Variants in DENND10 observed in about 807,000 individuals in gnomAD.
The protein encoded by DENND10 is DENN domain containing 10.
DENND10 carries 24 observed loss-of-function variants against 43.6 expected under a neutral mutation model. That is an observed-to-expected ratio of 0.55 (90% CI 0.40 to 0.77). DENND10 has a LOEUF of 0.77. DENND10 is among the 30% of genes least tolerant of loss of function. The pLI, the probability that DENND10 is intolerant of heterozygous loss-of-function variation, is 0.00. For synonymous variants in DENND10, 125 were observed against 157.6 expected (o/e 0.79, Z 1.55); for missense variants, 303 against 429.9 (o/e 0.70, Z 2.61).
intron 8 of DENND10, chr10:119,134,030 A>G (rs1846197747): frequency 6.6e-6 from 1 of 152,156 alleles, no homozygotes. Context: ...GCAAACAAGG[A>G]AGAAGACGTG....
At chr10:119,131,653 C>T (rs1239522783) in intron 7 of DENND10, among the ~76,000 whole-genome samples, 1 of 152,088 alleles carries the variant, frequency 6.6e-6, no homozygotes, top group Admixed American at 6.6e-5. Context: ...TTGTTAGATT[C>T]GATTATGTGA....
At chr10:119,128,824 C>A (rs559353171) in intron 6 of DENND10, among the ~76,000 whole-genome samples, 1 of 152,072 alleles carries the variant, frequency 6.6e-6, no homozygotes, top group East Asian at 1.9e-4. Context: ...TTTTAAACAA[C>A]CAGATTTTGT....
chr10:119,132,490 AT>A lies in DENND10; in HGVS notation c.803-24del, dbSNP rs753845328. On this transcript the variant is annotated intron_variant, in intron 7 of 8. Coordinates refer to ENST00000361432, the MANE Select transcript of DENND10 (RefSeq NM_207009.4). This position sits in a 1 kb window ranked among gnomAD's most constrained non-coding sequence, Gnocchi z 4.2. Reference sequence around the variant, plus strand: ...GATTATTTTTTATGTCGATTTCTAAATATTCACCTTCTTGATCTCACCAGAG... The same window carrying A: ...GATTATTTTTTATGTCGATTTCTAAAATTCACCTTCTTGATCTCACCAGAG... The A allele has an allele frequency of 6.4e-7, 1 of 1,572,720 alleles. No individual in the cohort carries two copies. The highest frequency in any genetic ancestry group is 1.3e-5 in the African/African-American group (1 of 74,202).
At chr10:119,121,284 A>C (rs1289328322) in intron 5 of DENND10, among the ~76,000 whole-genome samples, 1 of 126,914 alleles carries the variant, frequency 7.9e-6, no homozygotes, top group African/African-American at 3.1e-5. Flanking sequence ...GGTCCTTTTA[A>C]ATTTTTTTCA....
chr10:119,109,722 G>A (rs551319524), intron 2 of DENND10, among the ~76,000 whole-genome samples: 8 of 151,356 alleles, frequency 5.3e-5, no homozygotes, highest in East Asian at 1.9e-4. Context: ...AGATTCAAGC[G>A]ATTCTCCTGC....
intron 5 of DENND10, among the ~76,000 whole-genome samples, chr10:119,122,265 G>A (rs913647327): frequency 9.9e-5 from 15 of 152,186 alleles, no homozygotes; most frequent in African/African-American, 2.7e-4. Flanking sequence ...CCATGATCAC[G>A]TCACTGCACC....
chr10:119,125,310 C>T (rs1845773209), intron 6 of DENND10, among the ~76,000 whole-genome samples: 1 of 148,016 alleles, frequency 6.8e-6, no homozygotes, highest in African/African-American at 2.5e-5. Flanking sequence ...TTATCAGTGA[C>T]TTTTTTTTTT....
chr10:119,120,057 G>A (rs1031569719), intron 4 of DENND10, among the ~76,000 whole-genome samples: 1 of 151,886 alleles, frequency 6.6e-6, no homozygotes, highest in African/African-American at 2.4e-5. Flanking sequence ...AGATTAGCCT[G>A]GCCAACATGG....
chr10:119,111,117 C>T (rs1234465822), intron 2 of DENND10, among the ~76,000 whole-genome samples: 1 of 151,526 alleles, frequency 6.6e-6, no homozygotes, highest in African/African-American at 2.4e-5. Flanking sequence ...AAAAAATTAG[C>T]TGGGCATGGT....
intron 6 of DENND10, among the ~76,000 whole-genome samples, chr10:119,126,414 C>A (rs1845835447): frequency 6.6e-6 from 1 of 152,118 alleles, no homozygotes; most frequent in African/African-American, 2.4e-5. Context: ...ATTTACATTC[C>A]TACCAACAGT....
rs1157597854 is a variant in DENND10, at chr10:119,132,668, G to T, written c.897+59G>T. ...CTGACCCGGTGTCGCTGGGTGGTGT[G>T]CGGCAGAGCTGTGCACATAAGCAGA... On this transcript the variant is annotated intron_variant, in intron 8 of 8. Transcript: ENST00000361432. This position sits in a 1 kb window ranked among gnomAD's most constrained non-coding sequence, Gnocchi z 4.2. The T allele has an allele frequency of 7.2e-6, 10 of 1,381,896 alleles. No homozygotes were observed. The highest frequency in any genetic ancestry group is 9.3e-6 in the Non-Finnish European group (9 of 968,170). The allele number at this position is 1,381,896 out of a possible 1,614,324, so 85.6% of individuals were successfully genotyped here.
intron 1 of DENND10, among the ~76,000 whole-genome samples, chr10:119,107,281 C>T (rs1046451156): frequency 2.1e-5 from 3 of 143,428 alleles, no homozygotes; most frequent in Admixed American, 7.4e-5. Flanking sequence ...GCCTGGGTGA[C>T]GGTGAGACTC....
At chr10:119,119,828 C>T (rs1225214069) in intron 4 of DENND10, among the ~76,000 whole-genome samples, 1 of 151,886 alleles carries the variant, frequency 6.6e-6, no homozygotes, top group Non-Finnish European at 1.5e-5. Flanking sequence ...CTCTATGCAT[C>T]CCATCATAGA....
chr10:119,107,187 G>T (rs1844734269), intron 1 of DENND10, among the ~76,000 whole-genome samples: 2 of 151,852 alleles, frequency 1.3e-5, no homozygotes, highest in South Asian at 4.2e-4. Context: ...CATGGTGGTG[G>T]GCACCTGTAA....
Position 119,123,576 on chromosome 10 carries a change from A to C in DENND10, c.694+7A>C. The stretch of plus-strand genomic sequence containing the variant: ...GCCCTGCAGATGTGCACAGGTAGAC[A>C]AGAGGATCCCAGGGGAGGAACTGTT... On this transcript the variant is annotated splice_region_variant and intron_variant, in intron 6 of 8. Coordinates refer to ENST00000361432, the MANE Select transcript of DENND10 (RefSeq NM_207009.4). The C allele has an allele frequency of 6.3e-7, 1 of 1,597,074 alleles. No homozygotes were observed. Among genetic ancestry groups the C allele is most frequent in the Non-Finnish European group, 8.6e-7 (1 of 1,165,818 alleles).
At position 119,120,421 on chromosome 10, in the gene DENND10, C is replaced by T. The variant is rs1256482240; in HGVS notation, c.562C>T (p.Pro188Ser). 1 of 1,611,682 alleles carries T rather than the reference C, an allele frequency of 6.2e-7. No individual in the cohort carries two copies. Among genetic ancestry groups the T allele is most frequent in the East Asian group, 2.2e-5 (1 of 44,860 alleles). ...MLKKRIVVYH[P>S]KIEAVQEFTR... ...AAAGAAAAGAATTGTGGTGTATCAC[C>T]CCAAGATAGAAGCGGTCCAGGAGTT... is the stretch of plus-strand genomic sequence containing the variant. Residue 188 changes from proline to serine, a missense_variant, in exon 5 of 9, where the codon CCC becomes TCC. By Grantham distance (74) the Pro-to-Ser change is moderately conservative. Coordinates refer to ENST00000361432, the MANE Select transcript of DENND10 (RefSeq NM_207009.4).
intron 6 of DENND10, among the ~76,000 whole-genome samples, chr10:119,128,675 G>A (rs575936629): frequency 5.3e-5 from 8 of 152,060 alleles, no homozygotes; most frequent in African/African-American, 1.2e-4. Flanking sequence ...TCACAGTTCT[G>A]CAGGCTGTAC....
intron 2 of DENND10, among the ~76,000 whole-genome samples, chr10:119,110,516 G>A (rs1844925516): frequency 1.3e-5 from 2 of 151,988 alleles, no homozygotes; most frequent in Non-Finnish European, 2.9e-5. Context: ...GGAGTGCAGG[G>A]ACAAAATCTC....
At position 119,132,405 on chromosome 10, in the gene DENND10, A is replaced by C; in HGVS notation, c.803-110A>C. ...TGATAAAATGGACATGTGGGAGGTT[A>C]TCAGCTGCTTTTTGAAAATTCCCTC... is the stretch of plus-strand genomic sequence containing the variant. On this transcript the variant is annotated intron_variant, in intron 7 of 8. Transcript: ENST00000361432. This position sits in a 1 kb window ranked among gnomAD's most constrained non-coding sequence, Gnocchi z 4.2. The C allele has an allele frequency of 5.0e-6, 4 of 798,924 alleles. No individual in the cohort carries two copies. Among genetic ancestry groups the C allele is most frequent in the Non-Finnish European group, 8.9e-6 (4 of 451,744 alleles). The allele number at this position is 798,924 out of a possible 1,614,324, so 49.5% of individuals were successfully genotyped here.
Sources: allele counts gnomAD v4.1 joint callset (sites outside exome capture counted in the v4.1 genomes callset), GRCh38; gene constraint gnomAD v4.1.1; non-coding constraint Gnocchi (gnomAD v3.1); transcripts MANE v1.5; gene names NCBI Gene and HGNC (gene_info 2026-07-23, HGNC 2026-07-21).